Variants in KIF15 observed in about 807,000 individuals in gnomAD.
KIF15 encodes kinesin-like protein KIF15.
A neutral mutation model predicts 190.6 loss-of-function variants in KIF15; 140 were observed. The ratio of observed to expected loss-of-function variants is 0.73; its 90% CI spans 0.64 to 0.84. The LOEUF (loss-of-function observed/expected upper bound fraction) is 0.84, where lower values mean the gene tolerates loss of function less well. KIF15 is among the 40% of genes least tolerant of loss of function. KIF15 has a pLI of 0.00. For synonymous variants in KIF15, 528 were observed against 551.3 expected (o/e 0.96, Z 0.59); for missense variants, 1,372 against 1,584.4 (o/e 0.87, Z 2.28).
chr3:44,772,322 C>T (rs924932122), intron 1 of KIF15, among the ~76,000 whole-genome samples: 2 of 152,134 alleles, frequency 1.3e-5, no homozygotes, highest in African/African-American at 4.8e-5. Flanking sequence ...ATTCCTGGGG[C>T]TCCATTAGGA....
chr3:44,858,968 G>A (rs775148081), intron 6 of KIF15, among the ~76,000 whole-genome samples: 3 of 152,222 alleles, frequency 2.0e-5, no homozygotes, highest in Non-Finnish European at 2.9e-5. Flanking sequence ...GAAGATATGG[G>A]AAGGAGTCAG....
At chr3:44,806,108 G>A (rs189428061) in intron 16 of KIF15, 122 bp downstream of exon 16, 17 of 1,049,134 alleles carry the variant, frequency 1.6e-5, no homozygotes, top group African/African-American at 3.2e-5. Context: ...AATTAACACC[G>A]GTGTCACACT....
intron 32 of KIF15, 27 bp from the exon 33 acceptor site, chr3:44,851,760 C>T (rs764303426): frequency 6.4e-7 from 1 of 1,574,462 alleles, no homozygotes; most frequent in Non-Finnish European, 8.6e-7. Flanking sequence ...CTTTCAAATA[C>T]TATAAAGTGA....
intron 8 of KIF15, among the ~76,000 whole-genome samples, chr3:44,796,376 A>G (rs1559541187): frequency 6.6e-6 from 1 of 152,240 alleles, no homozygotes; most frequent in Non-Finnish European, 1.5e-5. Flanking sequence ...GCATATGCTT[A>G]TAATAGGACA....
Position 44,774,727 on chromosome 3 carries a change from G to A in KIF15, c.62+290G>A, listed in dbSNP as rs540201286. On this transcript the variant is annotated intron_variant, in intron 2 of 34. Coordinates refer to ENST00000326047, the MANE Select transcript of KIF15 (RefSeq NM_020242.3). ...CATGCAATGAACACACACTCCCTTT[G>A]AGTTCAAGTAAAGGGATGTGAAGGT... is the stretch of plus-strand genomic sequence containing the variant. Among the ~76,000 whole-genome samples, 3 of 152,306 alleles carry A rather than the reference G, an allele frequency of 2.0e-5. 1 individual carries two copies. The South Asian group carries it at 6.2e-4, about 32-fold the overall frequency.
chr3:44,843,328 G>T, intron 30 of KIF15, 94 bp downstream of exon 30: 1 of 749,184 alleles, frequency 1.3e-6, no homozygotes, highest in South Asian at 1.8e-5. Flanking sequence ...GTTTCCCAAG[G>T]TGTACAATGT....
At chr3:44,844,302 T>A (rs1246016708) in intron 30 of KIF15, among the ~76,000 whole-genome samples, 2 of 152,222 alleles carry the variant, frequency 1.3e-5, no homozygotes, top group Non-Finnish European at 2.9e-5. Flanking sequence ...CTTCAAATTT[T>A]AGTGAGCATC....
At chr3:44,839,492 A>T (rs1698488065) in intron 27 of KIF15, among the ~76,000 whole-genome samples, 1 of 152,262 alleles carries the variant, frequency 6.6e-6, no homozygotes, top group South Asian at 2.1e-4. Flanking sequence ...TTTTCAAATT[A>T]TTAATCAAGT....
chr3:44,858,126 G>A (rs1037704178), downstream of KIF15, among the ~76,000 whole-genome samples: 7 of 152,328 alleles, frequency 4.6e-5, no homozygotes, highest in East Asian at 1.9e-4. Context: ...AGGCTGGGAC[G>A]AGGGGTGTAG....
At chr3:44,780,038 A>G (rs1444596670) in intron 4 of KIF15, among the ~76,000 whole-genome samples, 3 of 147,584 alleles carry the variant, frequency 2.0e-5, no homozygotes, top group Non-Finnish European at 4.5e-5. Context: ...AAGTCTTTTG[A>G]TATCTTGATT....
intron 2 of KIF15, 79 bp from the exon 3 acceptor site, chr3:44,775,175 A>T: frequency 9.2e-7 from 1 of 1,085,574 alleles, no homozygotes; most frequent in Non-Finnish European, 1.4e-6. Flanking sequence ...GAAACATTAT[A>T]GGCAATATGA....
downstream of KIF15, among the ~76,000 whole-genome samples, chr3:44,856,980 G>A (rs1245846653): frequency 6.6e-6 from 1 of 152,234 alleles, no homozygotes; most frequent in Non-Finnish European, 1.5e-5. Flanking sequence ...TAGCCTCAAT[G>A]ATAGATGTGG....
intron 6 of KIF15, among the ~76,000 whole-genome samples, chr3:44,861,109 G>A (rs780580481): frequency 6.6e-6 from 1 of 151,924 alleles, no homozygotes; most frequent in Non-Finnish European, 1.5e-5. Context: ...CTCCTGCCTC[G>A]GCCTCCCGAG....
chr3:44,782,302 TCCACCTG>T (rs1410676195), intron 5 of KIF15, among the ~76,000 whole-genome samples: 1 of 152,170 alleles, frequency 6.6e-6, no homozygotes, highest in Non-Finnish European at 1.5e-5. Flanking sequence ...CCTCAAGTGA[TCCACCTG>T]CCTCGGCCTC....
intron 10 of KIF15, 33 bp downstream of exon 10, chr3:44,797,989 T>C (rs746179688): frequency 7.7e-6 from 12 of 1,556,434 alleles, no homozygotes; most frequent in African/African-American, 6.9e-5. Context: ...ATTAAATAAA[T>C]GAGAAAAATA....
intron 10 of KIF15, 146 bp downstream of exon 10, chr3:44,798,102 T>C: frequency 8.4e-6 from 6 of 718,506 alleles, no homozygotes; most frequent in Non-Finnish European, 1.3e-5. Context: ...TTTCCTACCC[T>C]TCTATATCAC....
Position 44,815,048 on chromosome 3 carries a change from C to G in KIF15, c.2521C>G (p.His841Asp). 1 of 1,604,002 alleles carries G rather than the reference C, an allele frequency of 6.2e-7. No individual in the cohort carries two copies. Among genetic ancestry groups the G allele is most frequent in the African/African-American group, 1.3e-5 (1 of 74,380 alleles). Residue 841 changes from histidine to aspartate, a missense_variant, in exon 20 of 35, where the codon CAT (histidine) becomes GAT (aspartate). By Grantham distance (81) the His-to-Asp change is moderately conservative. Transcript: ENST00000326047. ...CAACAAACTTTCCGAAAGACACATG[C>G]ATGTACAGCTTCAATTAGATAATCT... The part of the protein sequence containing the change: ...EFNKLSERHM[H>D]VQLQLDNLRL...
intron 1 of KIF15, among the ~76,000 whole-genome samples, chr3:44,768,384 G>A (rs933836468): frequency 4.6e-5 from 7 of 151,988 alleles, no homozygotes; most frequent in East Asian, 1.9e-4. Context: ...TCAGGCACGC[G>A]GACACATCGA....
chr3:44,823,257 G>A (rs191306214), intron 20 of KIF15, among the ~76,000 whole-genome samples: 1 of 152,314 alleles, frequency 6.6e-6, no homozygotes, highest in East Asian at 1.9e-4. Context: ...CCTTCTAACA[G>A]TCAGGTCCCT....
Sources: gnomAD v4.1 joint callset for allele counts (sites outside exome capture counted in the v4.1 genomes callset) on GRCh38, gnomAD v4.1.1 for gene constraint, MANE v1.5 for transcripts, NCBI Gene and HGNC (gene_info 2026-07-23, HGNC 2026-07-21) for gene names.